PARD3B: variants seen among roughly 807,000 people sequenced by gnomAD.
PARD3B encodes the protein partitioning defective 3 homolog B.
PARD3B carries 103 observed loss-of-function variants against 130.2 expected under a neutral mutation model. That is an observed-to-expected ratio of 0.79 (90% CI 0.67 to 0.93). The LOEUF is 0.93. Among genes scored for constraint, PARD3B ranks in the 40% least tolerant of loss-of-function variants. The pLI is 0.00. For synonymous variants in PARD3B, 583 were observed against 553.2 expected (o/e 1.05, Z -0.76); for missense variants, 1,609 against 1,499.2 (o/e 1.07, Z -1.21).
chr2:205,033,027 T>C (rs2125366313), intron 3 of PARD3B, among the ~76,000 whole-genome samples: 1 of 152,310 alleles, frequency 6.6e-6, no homozygotes, highest in East Asian at 1.9e-4. Context: ...TCCCTTTCTC[T>C]TCTTGCAAAG....
chr2:205,459,241 G>A (rs777094172), intron 20 of PARD3B, among the ~76,000 whole-genome samples: 8 of 152,024 alleles, frequency 5.3e-5, no homozygotes, highest in Non-Finnish European at 1.0e-4. Context: ...AATCAGTCTT[G>A]GCCTCCCAAG....
chr2:205,251,387 G>A (rs1490831818), intron 16 of PARD3B, among the ~76,000 whole-genome samples: 1 of 152,106 alleles, frequency 6.6e-6, no homozygotes, highest in African/African-American at 2.4e-5. Context: ...TATAACAAAG[G>A]CCAAGAGTTT....
chr2:204,948,496 G>A (rs1322371974), intron 2 of PARD3B, among the ~76,000 whole-genome samples: 2 of 152,122 alleles, frequency 1.3e-5, no homozygotes, highest in Non-Finnish European at 2.9e-5. Context: ...GTTTAGATTT[G>A]ACTAGATAAA....
rs535417397 is a variant in PARD3B at position 204,847,577 on chromosome 2, C to T, written c.223-117575C>T. Among the ~76,000 whole-genome samples, 120 of 152,206 alleles carry T rather than the reference C, an allele frequency of 7.9e-4. 2 individuals carry two copies. In the South Asian group the frequency reaches 0.023, roughly 29 times the overall value. On this transcript the variant is annotated intron_variant, in intron 2 of 22. Coordinates refer to ENST00000406610, the MANE Select transcript of PARD3B (RefSeq NM_001302769.2). ...CATTCTGAGGAGTGTGGTAAAATCTCGCACCATCTCACCTGGAGCGTGAAT... is the reference window on the plus strand; with the variant it reads ...CATTCTGAGGAGTGTGGTAAAATCTTGCACCATCTCACCTGGAGCGTGAAT...
chr2:204,868,435 G>C (rs1235746278), intron 2 of PARD3B, among the ~76,000 whole-genome samples: 1 of 152,028 alleles, frequency 6.6e-6, no homozygotes, highest in East Asian at 1.9e-4. Flanking sequence ...ATAGTAGAAG[G>C]ATGTTGTACA....
chr2:205,528,708 T>A (rs2051447341), intron 21 of PARD3B, among the ~76,000 whole-genome samples: 1 of 152,128 alleles, frequency 6.6e-6, no homozygotes, highest in Admixed American at 6.5e-5. Context: ...GCCAGGATGG[T>A]CTCAATCTCT....
At chr2:205,074,466 G>T (rs1045043400) in intron 4 of PARD3B, among the ~76,000 whole-genome samples, 1 of 152,106 alleles carries the variant, frequency 6.6e-6, no homozygotes, top group Non-Finnish European at 1.5e-5. Flanking sequence ...AAAAACTATC[G>T]TATGTCATCT....
At chr2:204,585,499 C>CTT (rs11323444) in intron 1 of PARD3B, among the ~76,000 whole-genome samples, 1,390 of 136,822 alleles carry the variant, frequency 0.01, 19 homozygotes, top group African/African-American at 0.035. Context: ...ATGCCTGGCT[C>CTT]TTTTTTTTTT....
chr2:204,833,322 C>G (rs1317428638), intron 2 of PARD3B, among the ~76,000 whole-genome samples: 2 of 152,082 alleles, frequency 1.3e-5, no homozygotes, highest in Non-Finnish European at 2.9e-5. Flanking sequence ...GGTAAAGAGA[C>G]ATTAAAGAGT....
At chr2:205,286,661 A>C (rs903105135) in intron 16 of PARD3B, among the ~76,000 whole-genome samples, 1 of 152,340 alleles carries the variant, frequency 6.6e-6, no homozygotes, top group African/African-American at 2.4e-5. Flanking sequence ...CCAGAAATAG[A>C]TACCCTCTTC....
intron 2 of PARD3B, among the ~76,000 whole-genome samples, chr2:204,914,933 C>G (rs1321606392): frequency 1.3e-5 from 2 of 152,134 alleles, no homozygotes; most frequent in African/African-American, 4.8e-5. Flanking sequence ...TGAAGGGAGT[C>G]ATTGGGCTGG....
intron 20 of PARD3B, among the ~76,000 whole-genome samples, chr2:205,480,360 G>T (rs1333530786): frequency 1.3e-5 from 2 of 152,154 alleles, no homozygotes; most frequent in East Asian, 3.9e-4. Flanking sequence ...GGACTTTCTT[G>T]ACTATTCAAT....
At chr2:205,404,359 G>A (rs757749550) in intron 19 of PARD3B, among the ~76,000 whole-genome samples, 1 of 152,100 alleles carries the variant, frequency 6.6e-6, no homozygotes, top group East Asian at 1.9e-4. Flanking sequence ...GATATACATA[G>A]GTTATATGCA....
intron 2 of PARD3B, among the ~76,000 whole-genome samples, chr2:204,883,779 A>G (rs141536379): frequency 0.084 from 11,980 of 143,012 alleles, 593 homozygotes; most frequent in African/African-American, 0.14. Context: ...TTGCTCTGTC[A>G]CCCAGGCTGG....
intron 18 of PARD3B, among the ~76,000 whole-genome samples, chr2:205,395,858 C>T (rs745717845): frequency 3.9e-5 from 6 of 152,172 alleles, no homozygotes; most frequent in African/African-American, 7.2e-5. Context: ...GTTCCTCTGC[C>T]GTTTCTCCTC....
intron 22 of PARD3B, among the ~76,000 whole-genome samples, chr2:205,560,597 T>C (rs2053095627): frequency 6.6e-6 from 1 of 152,118 alleles, no homozygotes; most frequent in South Asian, 2.1e-4. Flanking sequence ...CCTGGTGGAG[T>C]GCTGCATGAG....
chr2:205,381,030 T>TAAAGAATATATATG (rs1559035455), intron 18 of PARD3B, among the ~76,000 whole-genome samples: 23 of 12,380 alleles, frequency 1.9e-3, no homozygotes, highest in Non-Finnish European at 4.9e-3. Context: ...TATGATATAT[T>TAAAGAATATATATG]ATATATAAAG....
intron 21 of PARD3B, among the ~76,000 whole-genome samples, chr2:205,529,572 T>G (rs1227131323): frequency 6.6e-6 from 1 of 152,176 alleles, no homozygotes; most frequent in Non-Finnish European, 1.5e-5. Context: ...CCTTTGGGAA[T>G]TGAGACTCTA....
At chr2:205,544,249 T>C (rs2052289323) in intron 21 of PARD3B, among the ~76,000 whole-genome samples, 3 of 151,602 alleles carry the variant, frequency 2.0e-5, no homozygotes, top group African/African-American at 7.2e-5. Flanking sequence ...CTTTTCCTAA[T>C]GCCTTTTTTT....
Sources: allele counts gnomAD v4.1 joint callset (sites outside exome capture counted in the v4.1 genomes callset), GRCh38; gene constraint gnomAD v4.1.1; transcripts MANE v1.5; gene names NCBI Gene and HGNC (gene_info 2026-07-23, HGNC 2026-07-21).